The following BCAS3 variants were observed in gnomAD, a reference collection of about 807,000 sequenced individuals.
The protein encoded by BCAS3 is BCAS3 microtubule associated cell migration factor, also known as BCAS4/BCAS3 fusion.
A neutral mutation model predicts 116.1 loss-of-function variants in BCAS3; 53 were observed. The observed-to-expected ratio is 0.46, with a 90% CI of 0.37 to 0.57. BCAS3 has a LOEUF of 0.57. Ranked by LOEUF, BCAS3 falls within the 20% of genes least tolerant of loss-of-function variation. The pLI is 0.00. For missense variants in BCAS3, 917 were observed against 1,165.4 expected, an observed-to-expected ratio of 0.79 and a Z score of 3.10; for synonymous variants, 391 against 408.2, an observed-to-expected ratio of 0.96 and a Z score of 0.51.
chr17:61,143,465 AG>A (rs771145809), intron 22 of BCAS3, among the ~76,000 whole-genome samples: 18 of 152,236 alleles, frequency 1.2e-4, no homozygotes, highest in Non-Finnish European at 1.8e-4. Context: ...ATAGAGGTAA[AG>A]ACTTTAAAAT....
At chr17:61,070,938 A>AAAC (rs147209023) in intron 19 of BCAS3, among the ~76,000 whole-genome samples, 10 of 152,140 alleles carry the variant, frequency 6.6e-5, no homozygotes, top group Admixed American at 5.2e-4. Context: ...CCTTTGACTA[A>AAAC]AACAACAACA....
At chr17:60,754,245 A>G (rs1170272898) in intron 6 of BCAS3, among the ~76,000 whole-genome samples, 2 of 151,330 alleles carry the variant, frequency 1.3e-5, no homozygotes, top group African/African-American at 2.4e-5. Context: ...TTGCTCTGTC[A>G]CCCAAGCTAG....
intron 4 of BCAS3, among the ~76,000 whole-genome samples, chr17:60,706,214 C>G (rs1395838501): frequency 2.6e-5 from 4 of 151,970 alleles, no homozygotes; most frequent in East Asian, 1.9e-4. Flanking sequence ...AGGCACCCAC[C>G]ACCACGCCCG....
chr17:60,880,103 C>T (rs770706642), intron 9 of BCAS3, among the ~76,000 whole-genome samples: 9 of 152,142 alleles, frequency 5.9e-5, no homozygotes, highest in Admixed American at 1.3e-4. Context: ...GCACACAATT[C>T]TCACCCATTG....
At chr17:60,853,079 T>C (rs1375957811) in intron 7 of BCAS3, among the ~76,000 whole-genome samples, 1 of 152,326 alleles carries the variant, frequency 6.6e-6, no homozygotes, top group South Asian at 2.1e-4. Flanking sequence ...TAAACATTGG[T>C]ACATCCTGTG....
chr17:61,061,530 C>G (rs2070033094), intron 19 of BCAS3, among the ~76,000 whole-genome samples: 1 of 152,102 alleles, frequency 6.6e-6, no homozygotes, highest in Non-Finnish European at 1.5e-5. Context: ...GTCCTATTGC[C>G]TACATGTACA....
chr17:60,779,321 C>T lies in BCAS3; in HGVS notation c.404-28683C>T, dbSNP rs145352730. Among the ~76,000 whole-genome samples the T allele has an allele frequency of 1.1e-4, 16 of 151,988 alleles. No individual in the cohort carries two copies. The East Asian group carries it at 3.1e-3, about 29-fold the overall frequency. On this transcript the variant is annotated intron_variant, in intron 6 of 23. Transcript: ENST00000407086. ...TAACAAAAATACTGTATCAAATTAC[C>T]TTCAGGCTATATGTGTAAGGTGCAT... is the stretch of plus-strand genomic sequence containing the variant.
chr17:60,920,976 T>C (rs574693421), intron 12 of BCAS3, among the ~76,000 whole-genome samples: 1 of 152,264 alleles, frequency 6.6e-6, no homozygotes, highest in African/African-American at 2.4e-5. Context: ...CTGGTGGGCA[T>C]CTGAATTAGT....
At position 61,082,183 on chromosome 17, in the gene BCAS3, G is replaced by A. The variant is rs1381334148; in HGVS notation, c.2328-2284G>A. Among the ~76,000 whole-genome samples the A allele has an allele frequency of 6.6e-6, 1 of 152,144 alleles. No homozygotes were observed. The highest frequency in any genetic ancestry group is 2.4e-5 in the African/African-American group (1 of 41,428). On this transcript the variant is annotated intron_variant, in intron 21 of 23. Transcript: ENST00000407086. The surrounding 1 kb of genome is among the most constrained non-coding windows in gnomAD (Gnocchi z 5.1). Reference sequence around the variant, plus strand: ...GTATGCAAAGCCTCTCTTTCCACTCGATTAGCTCCTCAGAAATTGGTTATC... The same window carrying A: ...GTATGCAAAGCCTCTCTTTCCACTCAATTAGCTCCTCAGAAATTGGTTATC...
At position 61,339,519 on chromosome 17, in the gene BCAS3, C is replaced by A. The variant is rs2056981802; in HGVS notation, c.2426-28808C>A. Among the ~76,000 whole-genome samples the A allele has an allele frequency of 6.6e-6, 1 of 152,154 alleles. No individual in the cohort carries two copies. The highest frequency in any genetic ancestry group is 2.1e-4 in the South Asian group (1 of 4,832). On this transcript the variant is annotated intron_variant, in intron 22 of 23. Coordinates refer to ENST00000407086, the MANE Select transcript of BCAS3 (RefSeq NM_017679.5). The surrounding 1 kb of genome is among the most constrained non-coding windows in gnomAD (Gnocchi z 4.4). The stretch of plus-strand genomic sequence containing the variant: ...CATTGGCTCAAGCCTGTAATCCCAG[C>A]AGTTGGGAGGCCAAGGTGAGCAGAT...
At chr17:61,350,244 G>A (rs908042455) in intron 22 of BCAS3, among the ~76,000 whole-genome samples, 3 of 151,738 alleles carry the variant, frequency 2.0e-5, no homozygotes, top group Non-Finnish European at 2.9e-5. Context: ...GTGAAACCCC[G>A]TCTCTACTAA....
Position 61,315,700 on chromosome 17 carries a change from C to G in BCAS3, c.2426-52627C>G, listed in dbSNP as rs2054670901. On this transcript the variant is annotated intron_variant, in intron 22 of 23. Coordinates refer to ENST00000407086, the MANE Select transcript of BCAS3 (RefSeq NM_017679.5). This position sits in a 1 kb window ranked among gnomAD's most constrained non-coding sequence, Gnocchi z 5.3. ...TGGAATGTGACCAGGCTGACTGACCCCCCGTTTCATGCCCCACGCCTTTGC... is the reference window on the plus strand; with the variant it reads ...TGGAATGTGACCAGGCTGACTGACCGCCCGTTTCATGCCCCACGCCTTTGC... Among the ~76,000 whole-genome samples the G allele has an allele frequency of 6.6e-6, 1 of 152,158 alleles. No homozygotes were observed. The highest frequency in any genetic ancestry group is 1.5e-5 in the Non-Finnish European group (1 of 68,022).
intron 6 of BCAS3, among the ~76,000 whole-genome samples, chr17:60,801,688 TCTC>T (rs1485777638): frequency 6.6e-6 from 1 of 152,224 alleles, no homozygotes; most frequent in Admixed American, 6.5e-5. Flanking sequence ...ATCTGTTTCT[TCTC>T]TGGTAGCTTA....
At chr17:61,345,189 T>A (rs908204826) in intron 22 of BCAS3, among the ~76,000 whole-genome samples, 16 of 152,192 alleles carry the variant, frequency 1.1e-4, no homozygotes, top group Non-Finnish European at 1.9e-4. Context: ...CGGGAAGAGC[T>A]GTTCTCTTGT....
chr17:60,797,515 CATTT>C (rs1232429712), intron 6 of BCAS3, among the ~76,000 whole-genome samples: 1 of 152,002 alleles, frequency 6.6e-6, no homozygotes, highest in Non-Finnish European at 1.5e-5. Flanking sequence ...CACCTGACTA[CATTT>C]ATTTATTTAT....
chr17:60,848,880 T>C (rs1213461834), intron 7 of BCAS3, among the ~76,000 whole-genome samples: 1 of 151,922 alleles, frequency 6.6e-6, no homozygotes, highest in African/African-American at 2.4e-5. Context: ...GCAGATTGGC[T>C]TTAAACCAGG....
chr17:61,078,784 A>G (rs2072269588), intron 21 of BCAS3, among the ~76,000 whole-genome samples: 1 of 152,176 alleles, frequency 6.6e-6, no homozygotes, highest in Non-Finnish European at 1.5e-5. Context: ...CTTTTCAAGC[A>G]ATTCCACTTT....
At chr17:60,856,402 A>G (rs1230999876) in intron 7 of BCAS3, among the ~76,000 whole-genome samples, 1 of 152,212 alleles carries the variant, frequency 6.6e-6, no homozygotes, top group African/African-American at 2.4e-5. Flanking sequence ...AAAATTATAG[A>G]TGGAGGCTGG....
intron 8 of BCAS3, among the ~76,000 whole-genome samples, chr17:60,869,085 C>T (rs980565849): frequency 6.6e-6 from 1 of 152,138 alleles, no homozygotes; most frequent in Non-Finnish European, 1.5e-5. Context: ...TTTTGAAAAG[C>T]ATGTTCCTGA....
Sources: gnomAD v4.1 joint callset for allele counts (sites outside exome capture counted in the v4.1 genomes callset) on GRCh38, gnomAD v4.1.1 for gene constraint, Gnocchi (gnomAD v3.1) non-coding constraint, MANE v1.5 for transcripts, NCBI Gene and HGNC (gene_info 2026-07-23, HGNC 2026-07-21) for gene names.